The following DNAH17 variants were observed in gnomAD, a reference collection of about 807,000 sequenced individuals.
The protein encoded by DNAH17 is axonemal beta dynein heavy chain 17.
DNAH17 carries 376 observed loss-of-function variants against 485.6 expected under a neutral mutation model. That is an observed-to-expected ratio of 0.77 (90% CI 0.71 to 0.84). The LOEUF (loss-of-function observed/expected upper bound fraction) is 0.84, where lower values mean the gene tolerates loss of function less well. DNAH17 is among the 40% of genes least tolerant of loss of function. DNAH17 has a pLI of 0.00. For synonymous variants in DNAH17, 3,031 were observed against 2,405.9 expected (o/e 1.26, Z -7.60); for missense variants, 6,370 against 5,839.3 (o/e 1.09, Z -2.96).
chr17:78,428,441 T>C, intron 77 of DNAH17, 84 bp downstream of exon 77: 1 of 1,495,784 alleles, frequency 6.7e-7, no homozygotes, highest in Non-Finnish European at 9.1e-7. Context: ...AGTTCCCCTG[T>C]ACTGCCGCCA....
chr17:78,532,485 C>A lies in DNAH17; in HGVS notation c.3111G>T (p.Glu1037Asp). 1 of 1,609,516 alleles carries A rather than the reference C, an allele frequency of 6.2e-7. No homozygotes were observed. Among genetic ancestry groups the A allele is most frequent in the Admixed American group, 1.7e-5 (1 of 59,764 alleles). ...KTPPTLAQFQ[E>D]QIDSYEKLYE... ...GGTGGGTGAGGTCTGCACGCACCTG[C>A]TCCTGGAACTGAGCCAGGGTGGGCG... Residue 1037 changes from glutamate to aspartate, a missense_variant, in exon 20 of 81, where the codon GAG becomes GAT. Physicochemically the swap from Glu to Asp is conservative, Grantham distance 45. Transcript: ENST00000389840.
chr17:78,553,539 T>C (rs1270134189), intron 14 of DNAH17, among the ~76,000 whole-genome samples: 1 of 151,984 alleles, frequency 6.6e-6, no homozygotes, highest in Non-Finnish European at 1.5e-5. Context: ...TGACCTCAAA[T>C]GATCCACCCA....
chr17:78,441,792 G>A (rs2087087374), intron 71 of DNAH17, among the ~76,000 whole-genome samples: 2 of 152,122 alleles, frequency 1.3e-5, no homozygotes, highest in Non-Finnish European at 2.9e-5. Context: ...CCTGAGCTAA[G>A]ATTAGTAAAC....
At chr17:78,515,200 A>G (rs1468075847) in intron 25 of DNAH17, among the ~76,000 whole-genome samples, 178 bp from the exon 26 acceptor site, 1 of 152,208 alleles carries the variant, frequency 6.6e-6, no homozygotes, top group African/African-American at 2.4e-5. Flanking sequence ...TGGCGTCACA[A>G]AAGGTAAGAT....
chr17:78,426,899 C>T, intron 78 of DNAH17, 27 bp downstream of exon 78: 1 of 1,579,752 alleles, frequency 6.3e-7, no homozygotes, highest in African/African-American at 1.3e-5. Context: ...CAGCCACGTC[C>T]CTGGGGCCGG....
rs1005259056 is a variant in DNAH17, at chr17:78,475,900, G to T, written c.8155-67C>A. On this transcript the variant is annotated intron_variant, in intron 52 of 80. Coordinates refer to ENST00000389840, the MANE Select transcript of DNAH17 (RefSeq NM_173628.4). ...ACCATGACCACACAGATAGTTAACA[G>T]CAATTCAGTACTTTGCCAAGGTGGC... is the stretch of plus-strand genomic sequence containing the variant. 1.7e-5 allele frequency: 27 copies of T among 1,550,204 alleles called. No individual in the cohort carries two copies. The African/African-American group carries it at 3.3e-4, about 19-fold the overall frequency.
intron 15 of DNAH17, among the ~76,000 whole-genome samples, chr17:78,552,160 T>A (rs2091916218): frequency 6.6e-6 from 1 of 152,158 alleles, no homozygotes; most frequent in Non-Finnish European, 1.5e-5. Context: ...TTGGAGAATG[T>A]GTGGACCCTT....
At chr17:78,459,748 G>A (rs2088000386) in intron 60 of DNAH17, 36 bp downstream of exon 60, 1 of 1,610,394 alleles carries the variant, frequency 6.2e-7, no homozygotes. Context: ...GAGAATCGGA[G>A]GGAAGCCCCG....
intron 16 of DNAH17, among the ~76,000 whole-genome samples, chr17:78,549,802 G>A (rs189449697): frequency 7.9e-5 from 12 of 152,198 alleles, no homozygotes; most frequent in Admixed American, 3.3e-4. Context: ...TCTCCTGCTC[G>A]CTCCCCACCG....
chr17:78,560,578 C>A (rs1391446743), intron 13 of DNAH17, among the ~76,000 whole-genome samples, 162 bp downstream of exon 13: 1 of 152,148 alleles, frequency 6.6e-6, no homozygotes, highest in African/African-American at 2.4e-5. Flanking sequence ...CTTCTGCTTT[C>A]CCTCATGTCT....
chr17:78,502,372 T>G, intron 33 of DNAH17: 3 of 436,710 alleles, frequency 6.9e-6, no homozygotes, highest in Non-Finnish European at 8.1e-6. Flanking sequence ...TCAAAGTACA[T>G]ATTTCTGAAG....
At chr17:78,506,383 A>G (rs755783942) in intron 30 of DNAH17, among the ~76,000 whole-genome samples, 7 of 152,140 alleles carry the variant, frequency 4.6e-5, no homozygotes, top group Non-Finnish European at 5.9e-5. Context: ...CCAGCTGACC[A>G]GAGCAAGACC....
chr17:78,461,567 C>A lies in DNAH17; in HGVS notation c.9316G>T (p.Val3106Phe). 6.2e-7 allele frequency: 1 copy of A among 1,600,286 alleles called. No homozygotes were observed. Among genetic ancestry groups the A allele is most frequent in the Non-Finnish European group, 8.5e-7 (1 of 1,174,428 alleles). ...ACCTTATTGATGACCTCGACCTTGACTTCTTCCTGGTCAGCAATGGCCTTC... is the reference window on the plus strand; with the variant it reads ...ACCTTATTGATGACCTCGACCTTGAATTCTTCCTGGTCAGCAATGGCCTTC... ...KEKAIADQEE[V>F]KVEVINKNVT... The change falls in exon 58 of 81, where the codon GTC becomes TTC. Residue 3106 changes from valine (V) to phenylalanine (F), a missense_variant. By Grantham distance (50) the Val-to-Phe change is conservative. Transcript: ENST00000389840.
chr17:78,461,363 G>A (rs1344739604), intron 58 of DNAH17, among the ~76,000 whole-genome samples, 181 bp downstream of exon 58: 1 of 152,184 alleles, frequency 6.6e-6, no homozygotes, highest in Non-Finnish European at 1.5e-5. Context: ...CTGCTTCTGA[G>A]CGGGGGCCCT....
intron 17 of DNAH17, among the ~76,000 whole-genome samples, chr17:78,543,535 C>G (rs1316464402): frequency 6.6e-6 from 1 of 152,082 alleles, no homozygotes; most frequent in African/African-American, 2.4e-5. Flanking sequence ...CATGATCCAC[C>G]CGCCTCGGCC....
rs756081840 is a variant in DNAH17 at position 78,505,468 on chromosome 17, A to T, written c.4804-23T>A. ...CACCTGGGAGGAGGCAAGAAGCGGGAATTATGCAACGGGGGATTTGAAAGG... is the reference window on the plus strand; with the variant it reads ...CACCTGGGAGGAGGCAAGAAGCGGGTATTATGCAACGGGGGATTTGAAAGG... On this transcript the variant is annotated intron_variant, in intron 30 of 80. Coordinates refer to ENST00000389840, the MANE Select transcript of DNAH17 (RefSeq NM_173628.4). The T allele has an allele frequency of 5.6e-6, 9 of 1,613,732 alleles. No homozygotes were observed. The South Asian group carries it at 8.8e-5, about 16-fold the overall frequency.
At chr17:78,484,356 G>C (rs1006432924) in intron 48 of DNAH17, among the ~76,000 whole-genome samples, 13 of 151,954 alleles carry the variant, frequency 8.6e-5, no homozygotes, top group African/African-American at 2.9e-4. Context: ...TCTCCACCCA[G>C]AATGCTCTCC....
rs544342168 is a variant in DNAH17 at position 78,561,617 on chromosome 17, G to T, written c.1835+98C>A. ...TGCTCTGGGAGGTAACAGTCTGGTCGACAGGAGGGGTGGTCCCGCTCGGGG... is the reference window on the plus strand; with the variant it reads ...TGCTCTGGGAGGTAACAGTCTGGTCTACAGGAGGGGTGGTCCCGCTCGGGG... On this transcript the variant is annotated intron_variant, in intron 12 of 80. Transcript: ENST00000389840. The T allele has an allele frequency of 5.0e-6, 7 of 1,396,970 alleles. No individual in the cohort carries two copies. In the East Asian group the frequency reaches 1.8e-4, roughly 35 times the overall value. 86.5% of individuals were successfully genotyped at this position (1,396,970 alleles called of 1,614,324 possible).
chr17:78,465,794 T>C (rs2088413928), intron 56 of DNAH17, among the ~76,000 whole-genome samples: 2 of 139,614 alleles, frequency 1.4e-5, no homozygotes, highest in African/African-American at 6.3e-5. Context: ...AGCCGCCCCG[T>C]CCAGGAGGGA....
Sources: gnomAD v4.1 joint callset for allele counts (sites outside exome capture counted in the v4.1 genomes callset) on GRCh38, gnomAD v4.1.1 for gene constraint, MANE v1.5 for transcripts, NCBI Gene and HGNC (gene_info 2026-07-23, HGNC 2026-07-21) for gene names.